The following DNASE1L3 variants were observed in gnomAD, a reference collection of about 807,000 sequenced individuals.
DNASE1L3 encodes deoxyribonuclease gamma.
A neutral mutation model predicts 30.9 loss-of-function variants in DNASE1L3; 27 were observed. The ratio of observed to expected loss-of-function variants is 0.87; its 90% CI spans 0.64 to 1.20. DNASE1L3 has a LOEUF of 1.20. DNASE1L3 is among the 50% of genes most tolerant of loss of function. The pLI is 0.00. For synonymous variants in DNASE1L3, 135 were observed against 138.0 expected, an observed-to-expected ratio of 0.98 and a Z score of 0.15; for missense variants, 364 against 378.2, an observed-to-expected ratio of 0.96 and a Z score of 0.31.
At position 58,205,528 on chromosome 3, in the gene DNASE1L3, A is replaced by G. The variant is rs1381132316; in HGVS notation, c.263T>C (p.Val88Ala). Reference sequence around the variant, plus strand: ...GTTTCTTCCAAGCCGAGAGCTAATCACATAGTTGTACGTTATGCCTCTCCT... The same window carrying G: ...GTTTCTTCCAAGCCGAGAGCTAATCGCATAGTTGTACGTTATGCCTCTCCT... Reference protein sequence around the residue: ...NSRRGITYNYVISSRLGRNTY... With the variant: ...NSRRGITYNYAISSRLGRNTY... The change falls in exon 3 of 8, where the codon GTG becomes GCG. Residue 88 changes from valine (V) to alanine (A), a missense_variant. Val to Ala is a moderately conservative substitution (Grantham distance 64). Coordinates refer to ENST00000394549, the MANE Select transcript of DNASE1L3 (RefSeq NM_004944.4). The G allele has an allele frequency of 1.2e-6, 2 of 1,614,128 alleles. No individual in the cohort carries two copies. Among genetic ancestry groups the G allele is most frequent in the African/African-American group, 2.7e-5 (2 of 75,068 alleles).
chr3:58,194,430 C>T (rs1428111584), intron 6 of DNASE1L3, among the ~76,000 whole-genome samples: 1 of 150,218 alleles, frequency 6.7e-6, no homozygotes, highest in Admixed American at 6.7e-5. Flanking sequence ...AGCGATTCTC[C>T]TGCCTCAGCC....
chr3:58,204,760 G>A lies in DNASE1L3; in HGVS notation c.433+9C>T. ...AGGTCCCAGACAGAAAGGCCTGTGT[G>A]GGTCTTACCAGTGTGGGGAGATTGG... On this transcript the variant is annotated intron_variant, in intron 4 of 7. Transcript: ENST00000394549. 1 of 1,613,002 alleles carries A rather than the reference G, an allele frequency of 6.2e-7. No homozygotes were observed. Among genetic ancestry groups the A allele is most frequent in the Non-Finnish European group, 8.5e-7 (1 of 1,179,080 alleles).
chr3:58,204,707 G>C (rs554522955), intron 4 of DNASE1L3, 62 bp downstream of exon 4: 2 of 1,422,646 alleles, frequency 1.4e-6, no homozygotes, highest in Non-Finnish European at 2.0e-6. Flanking sequence ...CATGCTCAAG[G>C]CTGCTGCGCA....
chr3:58,197,027 C>T lies in DNASE1L3; in HGVS notation c.704+794G>A, dbSNP rs2097397861. The stretch of plus-strand genomic sequence containing the variant: ...TAACAGCAAACCCTTGGTAATAACC[C>T]AATGCCTAATGATGGGGATTGGGCG... On this transcript the variant is annotated intron_variant, in intron 6 of 7. Transcript: ENST00000394549. This position sits in a 1 kb window ranked among gnomAD's most constrained non-coding sequence, Gnocchi z 5.3. Among the ~76,000 whole-genome samples the T allele has an allele frequency of 6.6e-6, 1 of 152,156 alleles. No individual in the cohort carries two copies. The highest frequency in any genetic ancestry group is 2.1e-4 in the South Asian group (1 of 4,824).
rs753703107 is a variant in DNASE1L3 at position 58,210,955 on chromosome 3, G to A, written c.-49C>T. On this transcript the variant is annotated 5_prime_UTR_variant, in exon 1 of 8. Transcript: ENST00000394549. ...ACTCTGTGAGAAGACAGCAGTGCTT[G>A]GAGTGCTGGATTCTGGCCACTTCCG... The A allele has an allele frequency of 1.2e-6, 2 of 1,605,222 alleles. No individual in the cohort carries two copies. Among genetic ancestry groups the A allele is most frequent in the South Asian group, 2.2e-5 (2 of 90,658 alleles).
In DNASE1L3 at chr3:58,192,627, A is replaced by C; in HGVS notation, c.*60T>G. The C allele has an allele frequency of 6.6e-7, 1 of 1,524,128 alleles. No individual in the cohort carries two copies. The highest frequency in any genetic ancestry group is 9.0e-7 in the Non-Finnish European group (1 of 1,114,764). The allele number at this position is 1,524,128 out of a possible 1,614,324, so 94.4% of individuals were successfully genotyped here. On this transcript the variant is annotated 3_prime_UTR_variant, in exon 8 of 8. Coordinates refer to ENST00000394549, the MANE Select transcript of DNASE1L3 (RefSeq NM_004944.4). The surrounding 1 kb of genome is among the most constrained non-coding windows in gnomAD (Gnocchi z 4.8). Reference sequence around the variant, plus strand: ...TTCCTAAGTACAGGGAGCAGTTCATATCTGTTAGAGACATTTTATTTAGAG... The same window carrying C: ...TTCCTAAGTACAGGGAGCAGTTCATCTCTGTTAGAGACATTTTATTTAGAG...
At chr3:58,193,731 C>A (rs2097395588) in intron 6 of DNASE1L3, among the ~76,000 whole-genome samples, 1 of 152,256 alleles carries the variant, frequency 6.6e-6, no homozygotes, top group African/African-American at 2.4e-5. Context: ...CTATCCCACA[C>A]AACAATGACT....
chr3:58,210,396 C>A (rs2097406992), intron 1 of DNASE1L3, among the ~76,000 whole-genome samples: 1 of 152,126 alleles, frequency 6.6e-6, no homozygotes, highest in Non-Finnish European at 1.5e-5. Flanking sequence ...GAGTAATAGT[C>A]CCTCTTCATA....
intron 6 of DNASE1L3, among the ~76,000 whole-genome samples, chr3:58,195,402 A>G (rs1311962965): frequency 6.6e-6 from 1 of 151,988 alleles, no homozygotes; most frequent in Non-Finnish European, 1.5e-5. Context: ...GGCTCAAGTG[A>G]TCCTCCTGCC....
intron 6 of DNASE1L3, among the ~76,000 whole-genome samples, chr3:58,194,047 G>T (rs1014780937): frequency 6.6e-6 from 1 of 152,124 alleles, no homozygotes; most frequent in Non-Finnish European, 1.5e-5. Flanking sequence ...GAAATTAAGC[G>T]ATTTAATGGA....
intron 1 of DNASE1L3, among the ~76,000 whole-genome samples, chr3:58,208,512 A>C (rs1312985818): frequency 6.6e-6 from 1 of 152,186 alleles, no homozygotes; most frequent in African/African-American, 2.4e-5. Context: ...GAGAAAGTTG[A>C]GTAAATTACA....
chr3:58,208,962 G>A (rs4681820), intron 1 of DNASE1L3, among the ~76,000 whole-genome samples: 43,466 of 152,022 alleles, frequency 0.29, 6,648 homozygotes, highest in East Asian at 0.37. Flanking sequence ...AGTCCCAGCC[G>A]GGCACGGTGG....
At chr3:58,203,785 G>T (rs534247861) in intron 4 of DNASE1L3, among the ~76,000 whole-genome samples, 1 of 152,132 alleles carries the variant, frequency 6.6e-6, no homozygotes, top group Non-Finnish European at 1.5e-5. Flanking sequence ...GGATGACAGA[G>T]CAAGGCCCTA....
chr3:58,210,742 C>A, intron 1 of DNASE1L3, 24 bp downstream of exon 1: 2 of 1,613,888 alleles, frequency 1.2e-6, no homozygotes, highest in Non-Finnish European at 1.7e-6. Context: ...TGTCTGGGAT[C>A]CTCCTCCCAG....
intron 4 of DNASE1L3, among the ~76,000 whole-genome samples, chr3:58,204,556 G>C (rs1219437371): frequency 1.3e-5 from 2 of 152,238 alleles, no homozygotes; most frequent in East Asian, 3.8e-4. Context: ...CTTCCAGAAA[G>C]TGGGTTCTGG....
chr3:58,193,474 C>A (rs1210058558), intron 6 of DNASE1L3, 35 bp from the exon 7 acceptor site: 1 of 1,567,296 alleles, frequency 6.4e-7, no homozygotes, highest in South Asian at 1.1e-5. Flanking sequence ...TTGTGTTAAT[C>A]CAACCTGTGA....
intron 1 of DNASE1L3, among the ~76,000 whole-genome samples, chr3:58,210,092 G>C (rs906725889): frequency 1.1e-4 from 16 of 151,348 alleles, no homozygotes; most frequent in African/African-American, 3.4e-4. Flanking sequence ...GAAAGACAAA[G>C]AGAGGGAGGG....
In DNASE1L3 at chr3:58,200,849, G is replaced by C; in HGVS notation, c.546+148C>G. On this transcript the variant is annotated intron_variant, in intron 5 of 7. Transcript: ENST00000394549. This position sits in a 1 kb window ranked among gnomAD's most constrained non-coding sequence, Gnocchi z 4.2. ...AGATTTAGCAAAAGGGATACTTAGGGCTGAAGAAAGGCCTTAAAGAATGCT... is the reference window on the plus strand; with the variant it reads ...AGATTTAGCAAAAGGGATACTTAGGCCTGAAGAAAGGCCTTAAAGAATGCT... 1 of 568,942 alleles carries C rather than the reference G, an allele frequency of 1.8e-6. No individual in the cohort carries two copies. The highest frequency in any genetic ancestry group is 3.0e-5 in the South Asian group (1 of 33,394). The allele number at this position is 568,942 out of a possible 1,614,324, so 35.2% of individuals were successfully genotyped here.
chr3:58,195,125 G>A (rs997539219), intron 6 of DNASE1L3, among the ~76,000 whole-genome samples: 2 of 152,194 alleles, frequency 1.3e-5, no homozygotes, highest in African/African-American at 4.8e-5. Context: ...CAGATCCTGG[G>A]CATCTTTGCA....
Sources: allele counts gnomAD v4.1 joint callset (sites outside exome capture counted in the v4.1 genomes callset), GRCh38; gene constraint gnomAD v4.1.1; non-coding constraint Gnocchi (gnomAD v3.1); transcripts MANE v1.5; gene names NCBI Gene and HGNC (gene_info 2026-07-23, HGNC 2026-07-21).